Variants in TRABD2B observed in about 807,000 individuals in gnomAD.
The protein encoded by TRABD2B is metalloprotease TIKI2.
A neutral mutation model predicts 40.1 loss-of-function variants in TRABD2B; 14 were observed. That is an observed-to-expected ratio of 0.35 (90% confidence interval 0.23 to 0.55). TRABD2B has a LOEUF of 0.55. TRABD2B is among the 20% of genes least tolerant of loss of function. TRABD2B has a pLI of 0.90. For synonymous variants in TRABD2B, 263 were observed against 277.0 expected (o/e 0.95, Z 0.50); for missense variants, 541 against 648.6 (o/e 0.83, Z 1.80).
chr1:47,786,959 C>G (rs1644604182), intron 4 of TRABD2B, among the ~76,000 whole-genome samples: 1 of 152,162 alleles, frequency 6.6e-6, no homozygotes, highest in Non-Finnish European at 1.5e-5. Context: ...CCTGCCTCAG[C>G]CTCCCAAAGT....
chr1:47,779,199 C>T (rs61785561), intron 4 of TRABD2B, among the ~76,000 whole-genome samples: 65,510 of 152,002 alleles, frequency 0.43, 14,692 homozygotes, highest in East Asian at 0.58. Context: ...CTGTGGAGAA[C>T]GCACTATGGG....
chr1:47,909,594 GGA>G (rs1644729602), intron 2 of TRABD2B, among the ~76,000 whole-genome samples: 1 of 148,192 alleles, frequency 6.7e-6, no homozygotes, highest in South Asian at 2.1e-4. Context: ...AGGAGGAGGA[GGA>G]GGAGGAGCCA....
At chr1:47,840,605 C>T (rs1286450113) in intron 2 of TRABD2B, among the ~76,000 whole-genome samples, 1 of 152,140 alleles carries the variant, frequency 6.6e-6, no homozygotes, top group Non-Finnish European at 1.5e-5. Flanking sequence ...TGGTGGCTAT[C>T]GAGGCTGCTT....
chr1:47,799,348 G>A (rs535907193), intron 3 of TRABD2B, among the ~76,000 whole-genome samples: 10 of 152,256 alleles, frequency 6.6e-5, no homozygotes, highest in African/African-American at 2.2e-4. Flanking sequence ...GGCCACAAAG[G>A]GGGTCACTCG....
chr1:47,881,170 G>C (rs575742433), intron 2 of TRABD2B, among the ~76,000 whole-genome samples: 3 of 152,286 alleles, frequency 2.0e-5, no homozygotes, highest in African/African-American at 7.2e-5. Flanking sequence ...ATCAACTTGG[G>C]TTGCAGTGGT....
At chr1:47,911,812 A>G (rs1644766642) in intron 2 of TRABD2B, among the ~76,000 whole-genome samples, 1 of 152,254 alleles carries the variant, frequency 6.6e-6, no homozygotes, top group South Asian at 2.1e-4. Flanking sequence ...CCTTATTCAT[A>G]AATCATTAAG....
intron 2 of TRABD2B, among the ~76,000 whole-genome samples, chr1:47,902,989 C>T (rs1467904428): frequency 1.3e-5 from 2 of 152,084 alleles, no homozygotes; most frequent in East Asian, 3.9e-4. Flanking sequence ...GCCTCACAGC[C>T]CCTTCTGCCT....
At position 47,958,326 on chromosome 1, in the gene TRABD2B, A is replaced by G. The variant is rs546585400; in HGVS notation, c.666+35708T>C. 1.8e-3 allele frequency among the ~76,000 whole-genome samples: 265 copies of G among 145,296 alleles called. 1 individual carries two copies. Among genetic ancestry groups the G allele is most frequent in the Middle Eastern group, 3.6e-3 (1 of 280 alleles). Reference sequence around the variant, plus strand: ...CTAACAAGCGAAACAACCAGCTAACATCATAATGACAGGATCAAATTCACA... The same window carrying G: ...CTAACAAGCGAAACAACCAGCTAACGTCATAATGACAGGATCAAATTCACA... On this transcript the variant is annotated intron_variant, in intron 2 of 6. Transcript: ENST00000606738.
chr1:47,787,426 C>A (rs1284441284), intron 4 of TRABD2B, among the ~76,000 whole-genome samples: 1 of 152,156 alleles, frequency 6.6e-6, no homozygotes, highest in African/African-American at 2.4e-5. Context: ...CCCCTTTCTA[C>A]CCTCACGTCT....
intron 4 of TRABD2B, among the ~76,000 whole-genome samples, chr1:47,784,724 G>T (rs2124143523): frequency 6.6e-6 from 1 of 152,330 alleles, no homozygotes; most frequent in South Asian, 2.1e-4. Flanking sequence ...TGGACAACTG[G>T]TCTCTCAAAG....
chr1:47,950,089 T>A (rs1424178538), intron 2 of TRABD2B, among the ~76,000 whole-genome samples: 1 of 151,960 alleles, frequency 6.6e-6, no homozygotes, highest in African/African-American at 2.4e-5. Context: ...ATCGAGACCA[T>A]CCTGGCTAAC....
At chr1:47,816,655 C>T (rs1645036227) in intron 2 of TRABD2B, among the ~76,000 whole-genome samples, 1 of 152,170 alleles carries the variant, frequency 6.6e-6, no homozygotes, top group Admixed American at 6.5e-5. Flanking sequence ...TCCCCCAGAT[C>T]CACTCAGGGG....
intron 2 of TRABD2B, among the ~76,000 whole-genome samples, chr1:47,802,025 A>G (rs188664537): frequency 6.6e-6 from 1 of 152,354 alleles, no homozygotes; most frequent in African/African-American, 2.4e-5. Flanking sequence ...AAGCAACAGG[A>G]CAAGAACAAA....
intron 2 of TRABD2B, among the ~76,000 whole-genome samples, chr1:47,921,407 T>C (rs1644900121): frequency 6.6e-6 from 1 of 152,104 alleles, no homozygotes; most frequent in Admixed American, 6.5e-5. Flanking sequence ...CCTTTCCAGA[T>C]TCCTTCCAAC....
intron 6 of TRABD2B, among the ~76,000 whole-genome samples, chr1:47,771,835 G>C (rs1644381217): frequency 6.6e-6 from 1 of 152,198 alleles, no homozygotes; most frequent in South Asian, 2.1e-4. Context: ...CCTCCAGTGT[G>C]TGTTTACATC....
chr1:47,775,206 C>T lies in TRABD2B; in HGVS notation c.1313G>A (p.Arg438Gln). ...GCGGACCCAGAGGTCATTGAACTGC[C>T]GCGGCCGCTGGTGTGTGCTCTGCCT... ...HKRQSTHQRP[R>Q]QFNDLWVRIE... The change falls in exon 6 of 7, where the codon CGG becomes CAG. Residue 438 changes from arginine to glutamine, a missense_variant. Transcript: ENST00000606738. 1.6e-6 allele frequency: 2 copies of T among 1,240,506 alleles called. No homozygotes were observed. Among genetic ancestry groups the T allele is most frequent in the Non-Finnish European group, 2.0e-6 (2 of 991,350 alleles). The allele number at this position is 1,240,506 out of a possible 1,614,324, so 76.8% of individuals were successfully genotyped here.
chr1:47,993,776 T>G (rs1646047124), intron 2 of TRABD2B, among the ~76,000 whole-genome samples: 1 of 151,936 alleles, frequency 6.6e-6, no homozygotes. Context: ...AGGTGAGGAG[T>G]GTACATCCCC....
chr1:47,961,581 A>G (rs1372321051), intron 2 of TRABD2B, among the ~76,000 whole-genome samples: 2 of 152,254 alleles, frequency 1.3e-5, no homozygotes, highest in African/African-American at 4.8e-5. Context: ...TCAAAAGAAG[A>G]TATTTATGCA....
At chr1:47,973,676 C>G (rs559411292) in intron 2 of TRABD2B, among the ~76,000 whole-genome samples, 66 of 152,322 alleles carry the variant, frequency 4.3e-4, no homozygotes, top group African/African-American at 1.6e-3. Context: ...CTACCTCACT[C>G]CTCCCCAGGT....
Sources: allele counts gnomAD v4.1 joint callset (sites outside exome capture counted in the v4.1 genomes callset), GRCh38; gene constraint gnomAD v4.1.1; transcripts MANE v1.5; gene names NCBI Gene and HGNC (gene_info 2026-07-23, HGNC 2026-07-21).